Variants in CAMTA1 observed in about 807,000 individuals in gnomAD.
The protein encoded by CAMTA1 is calmodulin-binding transcription activator 1.
In CAMTA1, 27 loss-of-function variants were observed where a neutral mutation model predicts 170.9. The observed-to-expected ratio is 0.16, with a 90% CI of 0.12 to 0.22. The LOEUF is 0.22. Ranked by LOEUF, CAMTA1 falls within the 10% of genes least tolerant of loss-of-function variation. CAMTA1 has a pLI of 1.00. For synonymous variants in CAMTA1, 833 were observed against 891.5 expected, an observed-to-expected ratio of 0.93 and a Z score of 1.17; for missense variants, 1,619 against 2,217.2, an observed-to-expected ratio of 0.73 and a Z score of 5.42.
At chr1:6,891,244 GT>G (rs1395261759) in intron 3 of CAMTA1, among the ~76,000 whole-genome samples, 1 of 152,132 alleles carries the variant, frequency 6.6e-6, no homozygotes, top group Non-Finnish European at 1.5e-5. Context: ...CCCTTACCTG[GT>G]TTCTTGTGCA....
chr1:6,925,018 G>A (rs967778082), intron 3 of CAMTA1, among the ~76,000 whole-genome samples: 1 of 152,248 alleles, frequency 6.6e-6, no homozygotes, highest in Non-Finnish European at 1.5e-5. Flanking sequence ...CACGGCCGGT[G>A]TGCTGACAAC....
rs1238672537 is a variant in CAMTA1, at chr1:7,510,006, CA to C, written c.510+42108del. Among the ~76,000 whole-genome samples, 4 of 134,782 alleles carry C rather than the reference CA, an allele frequency of 3.0e-5. 1 individual carries two copies. Among genetic ancestry groups the C allele is most frequent in the Non-Finnish European group, 6.3e-5 (4 of 63,878 alleles). The allele number at this position is 134,782 out of a possible 152,430, so 88.4% of individuals were successfully genotyped here. On this transcript the variant is annotated intron_variant, in intron 6 of 22. Coordinates refer to ENST00000303635, the MANE Select transcript of CAMTA1 (RefSeq NM_015215.4). ...GAGTCATCCTGCAAAAACAAACAAACAAACAACAAAAAAAAAAAACACTGTC... is the reference window on the plus strand; with the variant it reads ...GAGTCATCCTGCAAAAACAAACAAACAACAACAAAAAAAAAAAACACTGTC...
intron 3 of CAMTA1, among the ~76,000 whole-genome samples, chr1:6,871,415 A>G (rs543255290): frequency 6.6e-6 from 1 of 152,352 alleles, no homozygotes; most frequent in Non-Finnish European, 1.5e-5. Context: ...TTCCTTGAGG[A>G]GAGGAAAAAC....
At chr1:6,828,326 T>A (rs1291613090) in intron 3 of CAMTA1, among the ~76,000 whole-genome samples, 1 of 123,356 alleles carries the variant, frequency 8.1e-6, no homozygotes, top group East Asian at 2.6e-4. Context: ...GGAGTCTCAC[T>A]CTTTCACCAG....
At chr1:7,190,662 A>G (rs920837797) in intron 4 of CAMTA1, among the ~76,000 whole-genome samples, 3 of 152,214 alleles carry the variant, frequency 2.0e-5, no homozygotes, top group Non-Finnish European at 2.9e-5. Context: ...TGTAATTTAA[A>G]AAAATAGAAA....
intron 4 of CAMTA1, among the ~76,000 whole-genome samples, chr1:7,198,533 A>G (rs1383478822): frequency 6.6e-6 from 1 of 151,948 alleles, no homozygotes; most frequent in Non-Finnish European, 1.5e-5. Flanking sequence ...GGTGCTCCCG[A>G]CATCACCCTG....
chr1:7,394,395 G>A (rs2089061127), intron 5 of CAMTA1, among the ~76,000 whole-genome samples: 1 of 152,184 alleles, frequency 6.6e-6, no homozygotes, highest in Non-Finnish European at 1.5e-5. Context: ...ATTGGGGTAA[G>A]GTGATATCTC....
At chr1:7,558,651 C>T (rs1278413872) in intron 6 of CAMTA1, among the ~76,000 whole-genome samples, 1 of 152,250 alleles carries the variant, frequency 6.6e-6, no homozygotes, top group Non-Finnish European at 1.5e-5. Flanking sequence ...GTCCCCCCAG[C>T]CCCGAAACAC....
At chr1:7,734,527 G>C (rs1325630187) in intron 12 of CAMTA1, among the ~76,000 whole-genome samples, 2 of 136,684 alleles carry the variant, frequency 1.5e-5, no homozygotes, top group East Asian at 4.4e-4. Flanking sequence ...AGACATGACT[G>C]TTTTTGTTTA....
chr1:6,975,424 G>T (rs902653633), intron 3 of CAMTA1, among the ~76,000 whole-genome samples: 6 of 152,182 alleles, frequency 3.9e-5, no homozygotes, highest in Non-Finnish European at 7.3e-5. Flanking sequence ...TCTTGGGGAT[G>T]CTCCTCTGTG....
intron 12 of CAMTA1, among the ~76,000 whole-genome samples, chr1:7,735,493 CCG>C (rs1410267216): frequency 6.6e-6 from 1 of 151,580 alleles, no homozygotes; most frequent in Non-Finnish European, 1.5e-5. Context: ...AGTGAAAGAG[CCG>C]CTATACCCGC....
chr1:7,331,132 C>T (rs1282956254), intron 5 of CAMTA1, among the ~76,000 whole-genome samples: 2 of 152,102 alleles, frequency 1.3e-5, no homozygotes, highest in East Asian at 1.9e-4. Context: ...CCCAGCTACT[C>T]GGAGGCTGAG....
rs553268211 is a variant in CAMTA1 at position 7,442,864 on chromosome 1, G to A, written c.439-24966G>A. Reference sequence around the variant, plus strand: ...ATTGGCAAGGAATAAAGCAAGCATGGTCCCTGCCCCCAGAGCTGGTGTTCT... The same window carrying A: ...ATTGGCAAGGAATAAAGCAAGCATGATCCCTGCCCCCAGAGCTGGTGTTCT... On this transcript the variant is annotated intron_variant, in intron 5 of 22. Coordinates refer to ENST00000303635, the MANE Select transcript of CAMTA1 (RefSeq NM_015215.4). Among the ~76,000 whole-genome samples, 10 of 152,254 alleles carry A rather than the reference G, an allele frequency of 6.6e-5. No individual in the cohort carries two copies. The South Asian group carries it at 2.1e-3, about 32-fold the overall frequency.
At chr1:7,046,467 G>A (rs1261796430) in intron 3 of CAMTA1, among the ~76,000 whole-genome samples, 1 of 152,230 alleles carries the variant, frequency 6.6e-6, no homozygotes, top group Non-Finnish European at 1.5e-5. Flanking sequence ...GGCTGAAATT[G>A]GCAGGGCTCC....
intron 3 of CAMTA1, among the ~76,000 whole-genome samples, chr1:7,016,675 A>G (rs1210058402): frequency 1.3e-5 from 2 of 152,144 alleles, no homozygotes; most frequent in East Asian, 3.9e-4. Context: ...CTCTACCAAC[A>G]ATACAAAAAA....
chr1:7,755,763 C>A, intron 22 of CAMTA1, 95 bp downstream of exon 22: 1 of 970,598 alleles, frequency 1.0e-6, no homozygotes. Flanking sequence ...CTAGGTATGC[C>A]AGTAAGTTTC....
At position 7,561,814 on chromosome 1, in the gene CAMTA1, C is replaced by T. The variant is rs184464421; in HGVS notation, c.511-78586C>T. Among the ~76,000 whole-genome samples, 159 of 152,212 alleles carry T rather than the reference C, an allele frequency of 1.0e-3. 2 individuals are homozygous for T. Among genetic ancestry groups the T allele is most frequent in the Middle Eastern group, 0.01 (3 of 294 alleles). On this transcript the variant is annotated intron_variant, in intron 6 of 22. Coordinates refer to ENST00000303635, the MANE Select transcript of CAMTA1 (RefSeq NM_015215.4). This position sits in a 1 kb window ranked among gnomAD's most constrained non-coding sequence, Gnocchi z 5.3. Reference sequence around the variant, plus strand: ...CGCTACCTCCCACAAGCAGAAATGACTCGGGGATGGATGAGAACGAACCCT... The same window carrying T: ...CGCTACCTCCCACAAGCAGAAATGATTCGGGGATGGATGAGAACGAACCCT...
chr1:6,788,104 CAG>C (rs1557540493), intron 1 of CAMTA1, among the ~76,000 whole-genome samples: 5 of 152,242 alleles, frequency 3.3e-5, no homozygotes, highest in Admixed American at 2.0e-4. Context: ...TTCTCTTGGA[CAG>C]GGGAATGATT....
chr1:7,444,707 T>C (rs1323778568), intron 5 of CAMTA1, among the ~76,000 whole-genome samples: 1 of 152,226 alleles, frequency 6.6e-6, no homozygotes. Context: ...GAGAAGCTGT[T>C]GTAGGATTAG....
Sources: allele counts gnomAD v4.1 joint callset (sites outside exome capture counted in the v4.1 genomes callset), GRCh38; gene constraint gnomAD v4.1.1; non-coding constraint Gnocchi (gnomAD v3.1); transcripts MANE v1.5; gene names NCBI Gene and HGNC (gene_info 2026-07-23, HGNC 2026-07-21).